The following DNER variants were observed in gnomAD, a reference collection of about 807,000 sequenced individuals.
The protein encoded by DNER is delta/notch like EGF repeat containing.
Under a neutral mutation model 78.2 loss-of-function variants are expected in DNER, and 33 were observed. That is an observed-to-expected ratio of 0.42 (90% CI 0.32 to 0.56). The LOEUF is 0.56. Among genes scored for constraint, DNER ranks in the 20% least tolerant of loss-of-function variants. The probability of loss-of-function intolerance (pLI) is 0.11; values close to 1 mark genes in which losing one functional copy is unlikely to be tolerated. For missense variants in DNER, 918 were observed against 975.3 expected, an observed-to-expected ratio of 0.94 and a Z score of 0.78; for synonymous variants, 417 against 384.8, an observed-to-expected ratio of 1.08 and a Z score of -0.98.
At chr2:229,670,893 T>C (rs1699195195) in intron 1 of DNER, among the ~76,000 whole-genome samples, 1 of 152,152 alleles carries the variant, frequency 6.6e-6, no homozygotes, top group Admixed American at 6.5e-5. Context: ...AGCTACCAAA[T>C]TGACAGTATA....
At chr2:229,576,270 A>G (rs1317343968) in intron 4 of DNER, among the ~76,000 whole-genome samples, 1 of 151,670 alleles carries the variant, frequency 6.6e-6, no homozygotes, top group Non-Finnish European at 1.5e-5. Flanking sequence ...CCCCCAGAGC[A>G]GGGTATCTTA....
intron 1 of DNER, among the ~76,000 whole-genome samples, chr2:229,603,879 T>G (rs1697881481): frequency 6.6e-6 from 1 of 152,216 alleles, no homozygotes; most frequent in South Asian, 2.1e-4. Context: ...GGTTGTCATA[T>G]TTAAGAAAGA....
intron 8 of DNER, among the ~76,000 whole-genome samples, chr2:229,420,768 A>G (rs1693747051): frequency 1.3e-5 from 2 of 152,234 alleles, no homozygotes; most frequent in Admixed American, 6.5e-5. Context: ...ACAGAAAATA[A>G]CAAGTGTTGG....
intron 4 of DNER, among the ~76,000 whole-genome samples, chr2:229,582,148 G>A (rs189464310): frequency 2.4e-4 from 36 of 152,298 alleles, no homozygotes; most frequent in African/African-American, 7.9e-4. Flanking sequence ...AAAATAGTCT[G>A]AGCTAAAACG....
chr2:229,542,775 C>CAA (rs56738752), intron 5 of DNER, among the ~76,000 whole-genome samples: 1 of 88,250 alleles, frequency 1.1e-5, no homozygotes, highest in African/African-American at 4.1e-5. Context: ...CCCAAGTAGG[C>CAA]AAAAAAAAAA....
intron 6 of DNER, 26 bp from the exon 7 acceptor site, chr2:229,477,279 A>T (rs545596600): frequency 1.7e-5 from 27 of 1,574,204 alleles, no homozygotes; most frequent in Non-Finnish European, 2.3e-5. Context: ...TGTACATTTT[A>T]TAAAATAAGC....
At chr2:229,474,770 G>A (rs1330288744) in intron 7 of DNER, among the ~76,000 whole-genome samples, 1 of 152,104 alleles carries the variant, frequency 6.6e-6, no homozygotes, top group African/African-American at 2.4e-5. Context: ...CAGACTCGCT[G>A]CCTCACCCTC....
intron 6 of DNER, among the ~76,000 whole-genome samples, chr2:229,502,482 T>C (rs1190924305): frequency 6.6e-6 from 1 of 152,032 alleles, no homozygotes; most frequent in Non-Finnish European, 1.5e-5. Flanking sequence ...AGATTCTCTG[T>C]GGGGAAAGAA....
At chr2:229,413,062 C>CT (rs986956416) in intron 9 of DNER, among the ~76,000 whole-genome samples, 62 of 151,460 alleles carry the variant, frequency 4.1e-4, no homozygotes, top group South Asian at 1.3e-3. Context: ...AGTCTAAGAA[C>CT]TTTTTTTTTC....
intron 1 of DNER, among the ~76,000 whole-genome samples, chr2:229,684,161 A>AGT (rs1559208329): frequency 3.1e-4 from 42 of 135,332 alleles, no homozygotes; most frequent in African/African-American, 1.1e-3. Context: ...AGAGAGAGAG[A>AGT]GAGAGAGAGT....
chr2:229,402,350 A>G (rs1165239157), intron 10 of DNER, among the ~76,000 whole-genome samples: 1 of 152,214 alleles, frequency 6.6e-6, no homozygotes, highest in Non-Finnish European at 1.5e-5. Flanking sequence ...ATAATTCACA[A>G]GTAAAGACAT....
chr2:229,374,900 C>T (rs138860146), intron 11 of DNER, among the ~76,000 whole-genome samples: 226 of 152,178 alleles, frequency 1.5e-3, no homozygotes, highest in African/African-American at 5.2e-3. Context: ...TTACATGCAG[C>T]GTCAAGATGT....
At chr2:229,463,227 T>C (rs986410082) in intron 7 of DNER, among the ~76,000 whole-genome samples, 2 of 151,852 alleles carry the variant, frequency 1.3e-5, no homozygotes, top group Admixed American at 1.3e-4. Context: ...CAGTAAATGT[T>C]TGTGGAATAA....
intron 4 of DNER, among the ~76,000 whole-genome samples, chr2:229,547,488 G>C (rs1171001583): frequency 1.3e-5 from 2 of 152,136 alleles, no homozygotes. Context: ...CTACCAGGGA[G>C]CAGCTTACCT....
chr2:229,657,150 C>T (rs994770760), intron 1 of DNER, among the ~76,000 whole-genome samples: 1 of 152,082 alleles, frequency 6.6e-6, no homozygotes, highest in African/African-American at 2.4e-5. Context: ...ACGTCTCCAC[C>T]TTTCCCCACC....
At chr2:229,438,886 G>T (rs957662794) in intron 8 of DNER, among the ~76,000 whole-genome samples, 5 of 152,124 alleles carry the variant, frequency 3.3e-5, no homozygotes, top group African/African-American at 1.2e-4. Flanking sequence ...AAATTTTTCA[G>T]TCAGTTATTT....
intron 7 of DNER, among the ~76,000 whole-genome samples, chr2:229,458,134 T>C (rs1574852218): frequency 8.3e-4 from 3 of 3,618 alleles, no homozygotes; most frequent in Non-Finnish European, 1.2e-3. Flanking sequence ...AGACTCTATC[T>C]CAAAAAAAAA....
intron 4 of DNER, among the ~76,000 whole-genome samples, chr2:229,562,981 CCATCAA>C (rs1396938630): frequency 6.6e-6 from 1 of 151,254 alleles, no homozygotes; most frequent in Non-Finnish European, 1.5e-5. Flanking sequence ...CATCCTCACC[CCATCAA>C]CATCATCATC....
At chr2:229,583,145 T>C (rs1227637480) in intron 4 of DNER, among the ~76,000 whole-genome samples, 1 of 152,202 alleles carries the variant, frequency 6.6e-6, no homozygotes. Context: ...AATGTCAGTC[T>C]AAGGTCATAG....
Sources: allele counts gnomAD v4.1 joint callset (sites outside exome capture counted in the v4.1 genomes callset), GRCh38; gene constraint gnomAD v4.1.1; transcripts MANE v1.5; gene names NCBI Gene and HGNC (gene_info 2026-07-23, HGNC 2026-07-21).